TULP4: variants seen among roughly 807,000 people sequenced by gnomAD.
TULP4 encodes the protein TUB like protein 4, also known as tubby-related protein 4.
A neutral mutation model predicts 129.0 loss-of-function variants in TULP4; 16 were observed. That is an observed-to-expected ratio of 0.12 (90% CI 0.08 to 0.19). The LOEUF (loss-of-function observed/expected upper bound fraction) is 0.19, where lower values mean the gene tolerates loss of function less well. Ranked by LOEUF, TULP4 falls within the 10% of genes least tolerant of loss-of-function variation. TULP4 has a pLI of 1.00. For missense variants in TULP4, 1,842 were observed against 2,059.1 expected (o/e 0.89, Z 2.04); for synonymous variants, 998 against 854.0 (o/e 1.17, Z -2.94).
At chr6:158,242,403 TC>T in intron 1 of TULP4, 2 of 1,408,474 alleles carry the variant, frequency 1.4e-6, no homozygotes, top group Non-Finnish European at 2.0e-6. Flanking sequence ...ATCATAAGCA[TC>T]GTGGGAGTTT....
At chr6:158,351,764 G>A (rs1780531034) in intron 1 of TULP4, among the ~76,000 whole-genome samples, 1 of 119,716 alleles carries the variant, frequency 8.4e-6, no homozygotes, top group African/African-American at 3.3e-5. Flanking sequence ...TGTTGCCCAG[G>A]TTGGAGTGCA....
intron 1 of TULP4, among the ~76,000 whole-genome samples, chr6:158,301,351 T>C (rs1779127793): frequency 6.6e-6 from 1 of 151,882 alleles, no homozygotes; most frequent in Non-Finnish European, 1.5e-5. Flanking sequence ...TGATCTTTGG[T>C]CAATCAAGTG....
At chr6:158,441,676 C>A (rs925278833) in intron 3 of TULP4, among the ~76,000 whole-genome samples, 4 of 152,198 alleles carry the variant, frequency 2.6e-5, no homozygotes, top group African/African-American at 7.2e-5. Flanking sequence ...TCTGGTCAGG[C>A]CTCTCTGGGC....
chr6:158,270,784 G>T (rs952723399), intron 1 of TULP4, among the ~76,000 whole-genome samples: 6 of 152,164 alleles, frequency 3.9e-5, no homozygotes, highest in African/African-American at 9.7e-5. Flanking sequence ...AGGCTTCCTT[G>T]TGCTTAAATG....
At chr6:158,373,765 T>C (rs1777122469) in intron 1 of TULP4, among the ~76,000 whole-genome samples, 1 of 152,188 alleles carries the variant, frequency 6.6e-6, no homozygotes, top group Non-Finnish European at 1.5e-5. Context: ...TATAGTGTGT[T>C]TGTAGCATTC....
At chr6:158,240,978 T>C (rs1777886619) in intron 1 of TULP4, among the ~76,000 whole-genome samples, 1 of 140,466 alleles carries the variant, frequency 7.1e-6, no homozygotes, top group Non-Finnish European at 1.6e-5. Context: ...GAGGGGCTCC[T>C]CACTTCTCAG....
chr6:158,463,310 C>T (rs980040227), intron 6 of TULP4, among the ~76,000 whole-genome samples: 1 of 152,052 alleles, frequency 6.6e-6, no homozygotes, highest in East Asian at 1.9e-4. Context: ...CAGATGGGCC[C>T]CCTTTCTATT....
At chr6:158,318,896 C>A (rs958271080) in intron 1 of TULP4, among the ~76,000 whole-genome samples, 2 of 91,008 alleles carry the variant, frequency 2.2e-5, no homozygotes, top group Admixed American at 3.5e-4. Context: ...CAGCTAGTTA[C>A]AAATTTTTTT....
chr6:158,423,048 C>T (rs576964702), intron 2 of TULP4, among the ~76,000 whole-genome samples: 2 of 147,120 alleles, frequency 1.4e-5, no homozygotes, highest in African/African-American at 2.5e-5. Flanking sequence ...AGGCAGAGGC[C>T]GGAGGATAGC....
intron 1 of TULP4, among the ~76,000 whole-genome samples, chr6:158,407,542 C>CA (rs372326057): frequency 0.031 from 4,558 of 145,810 alleles, 96 homozygotes; most frequent in Middle Eastern, 0.052. Flanking sequence ...CATGTTTATA[C>CA]AAAAAAAAAA....
At position 158,506,842 on chromosome 6, in the gene TULP4, G is replaced by A. The variant is rs563602742; in HGVS notation, c.*148G>A. The A allele has an allele frequency of 6.5e-6, 4 of 617,512 alleles. No homozygotes were observed. Among genetic ancestry groups the A allele is most frequent in the African/African-American group, 3.7e-5 (2 of 54,222 alleles). The allele number at this position is 617,512 out of a possible 1,614,324, so 38.3% of individuals were successfully genotyped here. A position where few individuals can be genotyped will look rare whatever the true frequency, so the allele number is the denominator to read the frequency against. On this transcript the variant is annotated 3_prime_UTR_variant, in exon 14 of 14. Coordinates refer to ENST00000367097, the MANE Select transcript of TULP4 (RefSeq NM_020245.5). The stretch of plus-strand genomic sequence containing the variant: ...AAGCCCGGCAGGCCCAGGAGAGGGC[G>A]CTGACCTGTGGTCGTCATTTATTTG...
chr6:158,314,516 C>T (rs1364253267), intron 1 of TULP4, among the ~76,000 whole-genome samples: 1 of 152,186 alleles, frequency 6.6e-6, no homozygotes, highest in African/African-American at 2.4e-5. Flanking sequence ...TGCACTGTCT[C>T]TCTTAGAGGG....
chr6:158,293,589 A>G (rs997294207), intron 1 of TULP4, among the ~76,000 whole-genome samples: 1 of 152,212 alleles, frequency 6.6e-6, no homozygotes, highest in African/African-American at 2.4e-5. Flanking sequence ...TTATGTGCTC[A>G]GTGCTTCTGT....
intron 1 of TULP4, among the ~76,000 whole-genome samples, chr6:158,405,099 G>T (rs1562552743): frequency 6.6e-6 from 1 of 152,146 alleles, no homozygotes; most frequent in Non-Finnish European, 1.5e-5. Context: ...GCTAAAATAA[G>T]CTATGTAAAA....
At chr6:158,319,760 A>G (rs1779583351) in intron 1 of TULP4, among the ~76,000 whole-genome samples, 5 of 152,242 alleles carry the variant, frequency 3.3e-5, no homozygotes, top group Admixed American at 3.3e-4. Flanking sequence ...ATGTTTGTCT[A>G]GTCTTTGAGA....
chr6:158,376,914 C>T (rs945184354), intron 1 of TULP4, among the ~76,000 whole-genome samples: 28 of 152,350 alleles, frequency 1.8e-4, no homozygotes, highest in African/African-American at 6.7e-4. Flanking sequence ...ACACCTGTGA[C>T]AGCCACTGGA....
At chr6:158,356,196 G>A (rs775280498) in intron 1 of TULP4, among the ~76,000 whole-genome samples, 1 of 152,164 alleles carries the variant, frequency 6.6e-6, no homozygotes, top group Non-Finnish European at 1.5e-5. Flanking sequence ...TTAAATCGTG[G>A]CTGAAATTCC....
Position 158,501,867 on chromosome 6 carries a change from A to T in TULP4, c.2204A>T (p.Glu735Val). 2.5e-6 allele frequency: 4 copies of T among 1,614,170 alleles called. No individual in the cohort carries two copies. The Middle Eastern group carries it at 4.9e-4, about 200-fold the overall frequency. The change falls in exon 13 of 14, where the codon GAA (glutamate) becomes GTA (valine). Residue 735 changes from glutamate to valine, a missense_variant. Coordinates refer to ENST00000367097, the MANE Select transcript of TULP4 (RefSeq NM_020245.5). ...TNQTTAVGTAEHAGDSATQYP... is the reference protein window; with the variant it reads ...TNQTTAVGTAVHAGDSATQYP... ...CAGACGACAGCTGTAGGGACAGCAG[A>T]ACATGCAGGTGACAGTGCCACCCAG...
chr6:158,241,014 C>G (rs1415596920), intron 1 of TULP4, among the ~76,000 whole-genome samples: 1 of 138,852 alleles, frequency 7.2e-6, no homozygotes, highest in East Asian at 2.4e-4. Context: ...GGCAGAGGGT[C>G]TCCTCACTTC....
Sources: allele counts gnomAD v4.1 joint callset (sites outside exome capture counted in the v4.1 genomes callset), GRCh38; gene constraint gnomAD v4.1.1; transcripts MANE v1.5; gene names NCBI Gene and HGNC (gene_info 2026-07-23, HGNC 2026-07-21).